Variants in ARHGAP6 observed in about 807,000 individuals in gnomAD.
The protein encoded by ARHGAP6 is rho GTPase-activating protein 6.
In ARHGAP6, 16 loss-of-function variants were observed where a neutral mutation model predicts 55.7. That is an observed-to-expected ratio of 0.29 (90% CI 0.19 to 0.44). The LOEUF is 0.44. Among genes scored for constraint, ARHGAP6 ranks in the 20% least tolerant of loss-of-function variants. The pLI, the probability that ARHGAP6 is intolerant of heterozygous loss-of-function variation, is 1.00. For synonymous variants in ARHGAP6, 382 were observed against 360.9 expected (o/e 1.06, Z -0.66); for missense variants, 698 against 808.9 (o/e 0.86, Z 1.66).
chrX:11,654,021 G>A (rs781255757), intron 1 of ARHGAP6, among the ~76,000 whole-genome samples: 1 of 111,938 alleles, frequency 8.9e-6, no homozygotes, highest in Non-Finnish European at 1.9e-5. Context: ...AAGTGAACAA[G>A]AAATCACCTG....
intron 1 of ARHGAP6, among the ~76,000 whole-genome samples, chrX:11,526,982 A>T (rs1346963329): frequency 5.6e-5 from 6 of 106,725 alleles, no homozygotes; most frequent in African/African-American, 2.0e-4. Flanking sequence ...AAGGAGAATT[A>T]GTCCTAATGA....
At chrX:11,570,941 C>T (rs1004865636) in intron 1 of ARHGAP6, among the ~76,000 whole-genome samples, 7 of 110,405 alleles carry the variant, frequency 6.3e-5, no homozygotes, top group Non-Finnish European at 1.3e-4. Context: ...TGTAAAAGGG[C>T]CAGAGGTAAC....
At chrX:11,143,674 GA>G in intron 11 of ARHGAP6, 1 of 1,029,768 alleles carries the variant, frequency 9.7e-7, no homozygotes, top group Non-Finnish European at 1.2e-6. Flanking sequence ...AAGTTCCTAG[GA>G]TGCTGGAGGG....
intron 1 of ARHGAP6, among the ~76,000 whole-genome samples, chrX:11,525,023 A>G (rs113960293): frequency 0.1 from 11,134 of 110,966 alleles, 689 homozygotes; most frequent in African/African-American, 0.21. Flanking sequence ...AAGCGGTAAT[A>G]CAAGTGATGG....
intron 1 of ARHGAP6, among the ~76,000 whole-genome samples, chrX:11,516,580 A>AT (rs1296878643): frequency 8.9e-6 from 1 of 112,283 alleles, no homozygotes; most frequent in Non-Finnish European, 1.9e-5. Context: ...ATTCTATTAG[A>AT]TTTAACACAT....
chrX:11,373,072 A>AT (rs1410678518), intron 1 of ARHGAP6, among the ~76,000 whole-genome samples: 1 of 90,345 alleles, frequency 1.1e-5, no homozygotes, highest in Admixed American at 1.4e-4. Context: ...AATATTTTCT[A>AT]TTTTTTTCAC....
chrX:11,195,352 GAAAA>G (rs777313336), intron 3 of ARHGAP6, among the ~76,000 whole-genome samples: 24 of 99,084 alleles, frequency 2.4e-4, no homozygotes, highest in African/African-American at 8.3e-4. Flanking sequence ...ACCCTGTCTT[GAAAA>G]AAAAAAAAGG....
At chrX:11,173,816 A>T (rs903746387) in intron 8 of ARHGAP6, among the ~76,000 whole-genome samples, 8 of 111,251 alleles carry the variant, frequency 7.2e-5, no homozygotes, top group African/African-American at 2.6e-4. Flanking sequence ...GGAAGCTAAG[A>T]CCACCCCCCA....
intron 1 of ARHGAP6, among the ~76,000 whole-genome samples, chrX:11,413,112 G>C (rs1391751147): frequency 9.0e-6 from 1 of 111,300 alleles, no homozygotes; most frequent in Non-Finnish European, 1.9e-5. Context: ...ACATTTTCCT[G>C]GTTCTCTGTT....
chrX:11,443,878 A>T (rs770543898), intron 1 of ARHGAP6, among the ~76,000 whole-genome samples: 30 of 111,697 alleles, frequency 2.7e-4, no homozygotes, highest in African/African-American at 9.8e-4. Context: ...CAGTGAGCTG[A>T]GATTGTGCCA....
intron 1 of ARHGAP6, among the ~76,000 whole-genome samples, chrX:11,405,460 C>T (rs574400872): frequency 0.01 from 1,168 of 111,844 alleles, 8 homozygotes; most frequent in Middle Eastern, 0.1. Flanking sequence ...TTTCTTTTTT[C>T]TTTCTTTTTA....
intron 2 of ARHGAP6, among the ~76,000 whole-genome samples, chrX:11,237,082 A>C (rs979278043): frequency 1.8e-5 from 2 of 112,832 alleles, no homozygotes; most frequent in African/African-American, 6.4e-5. Context: ...GAATGAGTGT[A>C]AACAGCCTCA....
chrX:11,609,291 A>T (rs1389820466), intron 1 of ARHGAP6, among the ~76,000 whole-genome samples: 2 of 111,902 alleles, frequency 1.8e-5, no homozygotes, highest in Non-Finnish European at 3.8e-5. Flanking sequence ...GAAGAAAAAA[A>T]AGTCAAAAAG....
At chrX:11,289,224 G>GT (rs1372461834) in intron 1 of ARHGAP6, among the ~76,000 whole-genome samples, 24 of 109,173 alleles carry the variant, frequency 2.2e-4, no homozygotes, top group East Asian at 5.8e-4. Flanking sequence ...AAAATCGTGT[G>GT]TTTTTTTTTG....
rs181351355 is a variant in ARHGAP6, at chrX:11,505,327, G to A, written c.588+158914C>T. Among the ~76,000 whole-genome samples the A allele has an allele frequency of 5.8e-4, 64 of 111,221 alleles. 1 individual carries two copies. The highest frequency in any genetic ancestry group is 2.0e-3 in the African/African-American group (60 of 30,582). ...CAATATCACTGATAAGTAGAGAAAC[G>A]CAAATCAAAACCACAATGAGATACC... is the stretch of plus-strand genomic sequence containing the variant. On this transcript the variant is annotated intron_variant, in intron 1 of 12. Coordinates refer to ENST00000337414, the MANE Select transcript of ARHGAP6 (RefSeq NM_013427.3).
At chrX:11,185,628 A>G (rs1044167663) in intron 5 of ARHGAP6, among the ~76,000 whole-genome samples, 84 of 112,446 alleles carry the variant, frequency 7.5e-4, no homozygotes, top group Non-Finnish European at 1.2e-3. Flanking sequence ...TTAATAAGCC[A>G]GAAGTCTAAA....
In ARHGAP6 at chrX:11,317,836, T is replaced by G. The variant is rs1469278107; in HGVS notation, c.589-63129A>C. ...ACTGTTGTTATGGAATTATAGAATT[T>G]TAGAGCAGGAAGGAATTTTAGGGAT... is the stretch of plus-strand genomic sequence containing the variant. On this transcript the variant is annotated intron_variant, in intron 1 of 12. Coordinates refer to ENST00000337414, the MANE Select transcript of ARHGAP6 (RefSeq NM_013427.3). 2.7e-5 allele frequency among the ~76,000 whole-genome samples: 3 copies of G among 111,696 alleles called. No individual in the cohort carries two copies. In the Admixed American group the frequency reaches 2.9e-4, roughly 11 times the overall value.
chrX:11,423,823 T>C (rs187904401), intron 1 of ARHGAP6, among the ~76,000 whole-genome samples: 2 of 111,628 alleles, frequency 1.8e-5, no homozygotes, highest in East Asian at 5.6e-4. Flanking sequence ...TGGACACTGA[T>C]TTGCTTTTCT....
At chrX:11,153,334 G>A (rs2045814274) in intron 10 of ARHGAP6, among the ~76,000 whole-genome samples, 1 of 109,057 alleles carries the variant, frequency 9.2e-6, no homozygotes, top group South Asian at 4.1e-4. Context: ...AGACCAGTCT[G>A]GCCAACATAG....
Sources: gnomAD v4.1 joint callset for allele counts (sites outside exome capture counted in the v4.1 genomes callset) on GRCh38, gnomAD v4.1.1 for gene constraint, MANE v1.5 for transcripts, NCBI Gene and HGNC (gene_info 2026-07-23, HGNC 2026-07-21) for gene names.